The following ZMYND11 variants were observed in gnomAD, a reference collection of about 807,000 sequenced individuals.
The protein encoded by ZMYND11 is zinc finger MYND-type containing 11, also known as zinc finger MYND domain-containing protein 11.
A neutral mutation model predicts 84.9 loss-of-function variants in ZMYND11; 9 were observed. The observed-to-expected ratio is 0.11, with a 90% CI of 0.06 to 0.18. The LOEUF is 0.18. Ranked by LOEUF, ZMYND11 falls within the 10% of genes least tolerant of loss-of-function variation. ZMYND11 has a pLI of 1.00. For synonymous variants in ZMYND11, 250 were observed against 244.1 expected (o/e 1.02, Z -0.23); for missense variants, 409 against 761.0 (o/e 0.54, Z 5.44).
intron 2 of ZMYND11, among the ~76,000 whole-genome samples, chr10:187,777 C>T (rs897601221): frequency 1.3e-5 from 2 of 152,100 alleles, no homozygotes; most frequent in African/African-American, 4.8e-5. Context: ...TGAAACTGCC[C>T]CTCTGATTTA....
At chr10:194,777 T>C (rs1588846741) in intron 2 of ZMYND11, among the ~76,000 whole-genome samples, 1 of 152,214 alleles carries the variant, frequency 6.6e-6, no homozygotes, top group African/African-American at 2.4e-5. Flanking sequence ...ACTGAAGTGT[T>C]ATAGAGCTCT....
chr10:249,267 G>A (rs1952830979), intron 14 of ZMYND11, 179 bp downstream of exon 14: 2 of 1,441,578 alleles, frequency 1.4e-6, no homozygotes, highest in South Asian at 3.0e-5. Context: ...CTCAACCCCA[G>A]ATCCCATATT....
chr10:144,692 G>GGTTGA (rs200294626), intron 1 of ZMYND11, among the ~76,000 whole-genome samples: 2,534 of 139,968 alleles, frequency 0.018, 78 homozygotes, highest in African/African-American at 0.063. Flanking sequence ...GAATCTCAGG[G>GGTTGA]GTTGAGTCTG....
intron 1 of ZMYND11, among the ~76,000 whole-genome samples, chr10:164,807 T>G (rs1441579407): frequency 6.6e-6 from 1 of 152,014 alleles, no homozygotes; most frequent in Non-Finnish European, 1.5e-5. Context: ...TTAATTGACT[T>G]AAGTAGGAAG....
Position 186,170 on chromosome 10 carries a change from T to G in ZMYND11, c.116+6042T>G, listed in dbSNP as rs190304095. Among the ~76,000 whole-genome samples, 514 of 151,724 alleles carry G rather than the reference T, an allele frequency of 3.4e-3. 1 individual carries two copies. Among genetic ancestry groups the G allele is most frequent in the Non-Finnish European group, 4.7e-3 (316 of 67,926 alleles). ...GACTACAGGCGCCCACCAGGATGCC[T>G]GGCTAATTTTTTTTGTATTTTTAGT... On this transcript the variant is annotated intron_variant, in intron 2 of 14. Coordinates refer to ENST00000381604, the MANE Select transcript of ZMYND11 (RefSeq NM_001370100.5).
At chr10:232,934 C>G (rs143991696) in intron 4 of ZMYND11, among the ~76,000 whole-genome samples, 1 of 152,290 alleles carries the variant, frequency 6.6e-6, no homozygotes, top group African/African-American at 2.4e-5. Context: ...AAAATAAAAA[C>G]TCAGGTTAAC....
At chr10:241,674 T>A (rs1490713055) in intron 9 of ZMYND11, among the ~76,000 whole-genome samples, 1 of 152,232 alleles carries the variant, frequency 6.6e-6, no homozygotes. Flanking sequence ...GTGAAGACAG[T>A]ACTGTGCCAG....
In ZMYND11 at chr10:249,022, A is replaced by G. The variant is rs1459164605; in HGVS notation, c.1620A>G (p.Val540=). Residue 540 remains valine (V), a synonymous_variant, in exon 14 of 15, where the codon GTA becomes GTG. Transcript: ENST00000381604. ...AGGAAAAGTGTAAGGAAGAATTTGT[A>G]GAAGAAATCAAGAAGCTGGCAACAC... ...QVKEKCKEEF[V]EEIKKLATQH... is the part of the protein sequence containing the mutation. 2 of 1,614,228 alleles carry G rather than the reference A, an allele frequency of 1.2e-6. No individual in the cohort carries two copies. The highest frequency in any genetic ancestry group is 2.2e-5 in the East Asian group (1 of 44,886).
At chr10:182,256 G>A (rs1031378157) in intron 2 of ZMYND11, among the ~76,000 whole-genome samples, 5 of 152,174 alleles carry the variant, frequency 3.3e-5, no homozygotes, top group African/African-American at 1.2e-4. Context: ...ATTACAACAC[G>A]TGTGTGTACA....
chr10:195,468 C>A (rs1301356434), intron 2 of ZMYND11, among the ~76,000 whole-genome samples: 4 of 152,178 alleles, frequency 2.6e-5, no homozygotes, highest in Admixed American at 6.5e-5. Context: ...TCATATATTT[C>A]TATAACAGAC....
intron 1 of ZMYND11, among the ~76,000 whole-genome samples, chr10:170,751 A>T (rs1444865571): frequency 6.6e-6 from 1 of 152,186 alleles, no homozygotes; most frequent in Non-Finnish European, 1.5e-5. Context: ...CTAAAACCAC[A>T]AAAGGTAGAA....
intron 3 of ZMYND11, among the ~76,000 whole-genome samples, chr10:219,396 C>G (rs1333830145): frequency 1.3e-5 from 2 of 152,076 alleles, no homozygotes; most frequent in Non-Finnish European, 2.9e-5. Context: ...ATATAAGCCA[C>G]CAGAATCCCT....
intron 6 of ZMYND11, among the ~76,000 whole-genome samples, chr10:238,286 A>T (rs574633067): frequency 6.6e-6 from 1 of 152,232 alleles, no homozygotes; most frequent in Non-Finnish European, 1.5e-5. Context: ...TTGGAAATTT[A>T]AAATCTTAAC....
At chr10:183,224 G>GTTT (rs1214194132) in intron 2 of ZMYND11, among the ~76,000 whole-genome samples, 1 of 130,752 alleles carries the variant, frequency 7.6e-6, no homozygotes, top group African/African-American at 2.8e-5. Flanking sequence ...TTTGTTGTTG[G>GTTT]TTTTTTTTTT....
At chr10:199,089 G>A (rs193229967) in intron 2 of ZMYND11, among the ~76,000 whole-genome samples, 32 of 152,286 alleles carry the variant, frequency 2.1e-4, no homozygotes, top group African/African-American at 7.5e-4. Flanking sequence ...CCTAGCTTCT[G>A]AGCCTCTCAC....
chr10:218,881 C>G (rs1946639683), intron 3 of ZMYND11, among the ~76,000 whole-genome samples: 1 of 152,142 alleles, frequency 6.6e-6, no homozygotes, highest in Non-Finnish European at 1.5e-5. Context: ...ATCAACATGC[C>G]TGTATGATTC....
At position 135,640 on chromosome 10, in the gene ZMYND11, C is replaced by T. The variant is rs1481566576; in HGVS notation, c.-20+81C>T. ...GCGCGGCCCGCGCGGTGGAGCCTGC[C>T]TGGCCGCGGCCTCTGGGGCGGCGGC... On this transcript the variant is annotated intron_variant, in intron 1 of 14. Coordinates refer to ENST00000381604, the MANE Select transcript of ZMYND11 (RefSeq NM_001370100.5). The surrounding 1 kb of genome is among the most constrained non-coding windows in gnomAD (Gnocchi z 5.6). The T allele has an allele frequency of 8.6e-4, 128 of 149,008 alleles. No individual in the cohort carries two copies. The highest frequency in any genetic ancestry group is 3.0e-3 in the African/African-American group (122 of 40,768). The allele number at this position is 149,008 out of a possible 1,614,324, so 9.2% of individuals were successfully genotyped here. A position where few individuals can be genotyped will look rare whatever the true frequency, so the allele number is the denominator to read the frequency against.
chr10:246,737 C>T (rs771108216), intron 10 of ZMYND11, 29 bp from the exon 11 acceptor site: 1 of 1,609,252 alleles, frequency 6.2e-7, no homozygotes, highest in Non-Finnish European at 8.5e-7. Flanking sequence ...TGGGATGTTT[C>T]TAACTATACC....
rs145443484 is a variant in ZMYND11, at chr10:242,164, G to C, written c.950+25G>C. ...GGTAATTTGTGATCCCATGTTCAGC[G>C]GTCACAGCTGTGCTTATGAAGTCCT... On this transcript the variant is annotated intron_variant, in intron 10 of 14. Coordinates refer to ENST00000381604, the MANE Select transcript of ZMYND11 (RefSeq NM_001370100.5). 7 of 1,613,288 alleles carry C rather than the reference G, an allele frequency of 4.3e-6. No individual in the cohort carries two copies. The Admixed American group carries it at 6.7e-5, about 15-fold the overall frequency.
Sources: gnomAD v4.1 joint callset for allele counts (sites outside exome capture counted in the v4.1 genomes callset) on GRCh38, gnomAD v4.1.1 for gene constraint, Gnocchi (gnomAD v3.1) non-coding constraint, MANE v1.5 for transcripts, NCBI Gene and HGNC (gene_info 2026-07-23, HGNC 2026-07-21) for gene names.